The following GRID1 variants were observed in gnomAD, a reference collection of about 807,000 sequenced individuals.
The protein encoded by GRID1 is glutamate ionotropic receptor delta type subunit 1.
In GRID1, 28 loss-of-function variants were observed where a neutral mutation model predicts 98.0. The observed-to-expected ratio is 0.29, with a 90% CI of 0.21 to 0.39. GRID1 has a LOEUF of 0.39. Ranked by LOEUF, GRID1 falls within the 10% of genes least tolerant of loss-of-function variation. GRID1 has a pLI of 1.00. For synonymous variants in GRID1, 553 were observed against 538.5 expected, an observed-to-expected ratio of 1.03 and a Z score of -0.37; for missense variants, 1,111 against 1,340.5, an observed-to-expected ratio of 0.83 and a Z score of 2.67.
intron 2 of GRID1, among the ~76,000 whole-genome samples, chr10:86,339,402 G>A (rs956086756): frequency 6.6e-6 from 1 of 152,240 alleles, no homozygotes; most frequent in Admixed American, 6.5e-5. Flanking sequence ...GAGTGGATTC[G>A]GTGATTACCC....
intron 8 of GRID1, among the ~76,000 whole-genome samples, chr10:85,789,357 C>A (rs1842457875): frequency 6.6e-6 from 1 of 152,120 alleles, no homozygotes; most frequent in African/African-American, 2.4e-5. Flanking sequence ...GCCAGAGCAG[C>A]CGCAGTGTGG....
intron 3 of GRID1, among the ~76,000 whole-genome samples, chr10:86,167,257 T>G (rs1056524329): frequency 6.6e-6 from 1 of 152,166 alleles, no homozygotes; most frequent in Non-Finnish European, 1.5e-5. Flanking sequence ...GGCCAAACCC[T>G]CCCTGCTGCT....
rs760195348 is a variant in GRID1 at position 85,869,104 on chromosome 10, G to A, written c.857C>T (p.Pro286Leu). The stretch of plus-strand genomic sequence containing the variant: ...GCATTTCTGATTGTCCTTTGCAGAC[G>A]GAAAGATTTGCCGGACCACGGTCAT... ...GRMTVVRQIF[P>L]SAKDNQKCTR... is the part of the protein sequence containing the mutation. Residue 286 changes from proline to leucine, a missense_variant, in exon 6 of 16, where the codon CCG becomes CTG. Coordinates refer to ENST00000327946, the MANE Select transcript of GRID1 (RefSeq NM_017551.3). The A allele has an allele frequency of 1.1e-5, 17 of 1,613,812 alleles. No individual in the cohort carries two copies. The highest frequency in any genetic ancestry group is 5.0e-5 in the Admixed American group (3 of 59,998).
chr10:86,218,611 C>T lies in GRID1; in HGVS notation c.236-11963G>A, dbSNP rs538456334. Among the ~76,000 whole-genome samples the T allele has an allele frequency of 1.1e-4, 16 of 152,316 alleles. No homozygotes were observed. The South Asian group carries it at 3.3e-3, about 32-fold the overall frequency. ...TGCTGTGTCCTCATCTCTGCACCTG[C>T]TGTTCCCCTGCCAGAAGCTCACTGT... On this transcript the variant is annotated intron_variant, in intron 2 of 15. Transcript: ENST00000327946.
intron 4 of GRID1, among the ~76,000 whole-genome samples, chr10:86,127,835 C>A (rs573200082): frequency 4.6e-5 from 7 of 152,148 alleles, no homozygotes; most frequent in Non-Finnish European, 1.0e-4. Flanking sequence ...AATGTTTGAC[C>A]CCAACAGCCC....
chr10:86,046,221 G>T (rs965926919), intron 4 of GRID1, among the ~76,000 whole-genome samples: 1 of 152,074 alleles, frequency 6.6e-6, no homozygotes, highest in Non-Finnish European at 1.5e-5. Context: ...AACCGCCCCC[G>T]AACCTACAAG....
At chr10:86,280,828 TC>T (rs1349351828) in intron 2 of GRID1, among the ~76,000 whole-genome samples, 1 of 152,120 alleles carries the variant, frequency 6.6e-6, no homozygotes, top group African/African-American at 2.4e-5. Context: ...GTATTTTCTC[TC>T]CCCCATTTTC....
chr10:85,870,747 G>A (rs775277972), intron 5 of GRID1, among the ~76,000 whole-genome samples: 1 of 152,152 alleles, frequency 6.6e-6, no homozygotes, highest in Non-Finnish European at 1.5e-5. Flanking sequence ...GGGAGGGACA[G>A]AGCAACTGGT....
At chr10:85,822,830 C>T (rs188821506) in intron 8 of GRID1, among the ~76,000 whole-genome samples, 1 of 152,310 alleles carries the variant, frequency 6.6e-6, no homozygotes, top group East Asian at 1.9e-4. Flanking sequence ...AAATGTGGCA[C>T]ATATACACCA....
intron 2 of GRID1, among the ~76,000 whole-genome samples, chr10:86,348,066 G>T (rs112003041): frequency 6.6e-6 from 1 of 152,160 alleles, no homozygotes. Flanking sequence ...CTATCACTGG[G>T]GTCTCAGTCC....
chr10:86,309,831 T>C (rs1847808253), intron 2 of GRID1, among the ~76,000 whole-genome samples: 1 of 152,178 alleles, frequency 6.6e-6, no homozygotes, highest in Non-Finnish European at 1.5e-5. Flanking sequence ...TCCCTCCTCC[T>C]ACAAAGCCTC....
intron 4 of GRID1, among the ~76,000 whole-genome samples, chr10:86,104,853 G>A (rs758987741): frequency 2.0e-5 from 3 of 152,216 alleles, no homozygotes; most frequent in Admixed American, 6.5e-5. Context: ...ATGCATGGCC[G>A]ATGAAGTGCC....
chr10:86,189,128 T>C (rs1043963121), intron 3 of GRID1, among the ~76,000 whole-genome samples: 13 of 152,158 alleles, frequency 8.5e-5, no homozygotes, highest in Non-Finnish European at 1.9e-4. Flanking sequence ...ACTCCCCTTC[T>C]CTAAAAGTGG....
rs56121431 is a variant in GRID1, at chr10:85,737,674, A to ATATGGTTAT, written c.1234-8061_1234-8060insATAACCATA. Among the ~76,000 whole-genome samples the ATATGGTTAT allele has an allele frequency of 2.6e-5, 3 of 115,168 alleles. No individual in the cohort carries two copies. The East Asian group carries it at 6.0e-4, about 23-fold the overall frequency. 75.6% of individuals were successfully genotyped at this position (115,168 alleles called of 152,430 possible). On this transcript the variant is annotated intron_variant, in intron 8 of 15. Transcript: ENST00000327946. ...TATATATATATATATATATATATATAAACATATATGGTTATATATATATAT... is the reference window on the plus strand; with the variant it reads ...TATATATATATATATATATATATATATATGGTTATAACATATATGGTTATATATATATAT...
chr10:86,063,807 A>C (rs1027074896), intron 4 of GRID1, among the ~76,000 whole-genome samples: 2 of 152,178 alleles, frequency 1.3e-5, no homozygotes, highest in Non-Finnish European at 2.9e-5. Context: ...AACAAACTCA[A>C]CTCAGGGGCC....
At chr10:85,817,439 G>T (rs12241200) in intron 8 of GRID1, among the ~76,000 whole-genome samples, 10,437 of 151,990 alleles carry the variant, frequency 0.069, 397 homozygotes, top group Non-Finnish European at 0.082. Context: ...GGTAGGAGGA[G>T]AGCCTGAGCC....
intron 12 of GRID1, among the ~76,000 whole-genome samples, chr10:85,668,801 G>T (rs1182510128): frequency 6.6e-6 from 1 of 152,186 alleles, no homozygotes; most frequent in African/African-American, 2.4e-5. Flanking sequence ...CTAAAGGCAG[G>T]TCACCAATAT....
At chr10:86,265,292 C>G (rs923549023) in intron 2 of GRID1, among the ~76,000 whole-genome samples, 1 of 152,254 alleles carries the variant, frequency 6.6e-6, no homozygotes. Flanking sequence ...TCCTTGCCCC[C>G]GACCGATGGC....
At chr10:86,333,693 T>C (rs189201825) in intron 2 of GRID1, among the ~76,000 whole-genome samples, 1 of 152,344 alleles carries the variant, frequency 6.6e-6, no homozygotes, top group Non-Finnish European at 1.5e-5. Context: ...ATGTTGAATG[T>C]ATTATATACT....
Sources: gnomAD v4.1 joint callset for allele counts (sites outside exome capture counted in the v4.1 genomes callset) on GRCh38, gnomAD v4.1.1 for gene constraint, MANE v1.5 for transcripts, NCBI Gene and HGNC (gene_info 2026-07-23, HGNC 2026-07-21) for gene names.